The following CADM2 variants were observed in gnomAD, a reference collection of about 807,000 sequenced individuals.
The protein encoded by CADM2 is cell adhesion molecule 2.
CADM2 carries 12 observed loss-of-function variants against 49.8 expected under a neutral mutation model. The ratio of observed to expected loss-of-function variants is 0.24; its 90% CI spans 0.15 to 0.39. The LOEUF is 0.39. Ranked by LOEUF, CADM2 falls within the 10% of genes least tolerant of loss-of-function variation. The pLI is 1.00. For missense variants in CADM2, 378 were observed against 492.3 expected (o/e 0.77, Z 2.20); for synonymous variants, 214 against 175.4 (o/e 1.22, Z -1.74).
At chr3:85,760,921 A>T (rs541317891) in intron 2 of CADM2, among the ~76,000 whole-genome samples, 2 of 152,344 alleles carry the variant, frequency 1.3e-5, no homozygotes, top group East Asian at 3.9e-4. Flanking sequence ...CCCTTTAAAT[A>T]TTGTGAACAT....
intron 1 of CADM2, among the ~76,000 whole-genome samples, chr3:85,038,333 A>G (rs1333049444): frequency 4.9e-4 from 74 of 152,232 alleles, no homozygotes; most frequent in Non-Finnish European, 4.4e-5. Flanking sequence ...AAAATATATG[A>G]TATGTGTAAA....
chr3:84,995,390 A>G (rs1335200793), intron 1 of CADM2, among the ~76,000 whole-genome samples: 1 of 152,218 alleles, frequency 6.6e-6, no homozygotes, highest in African/African-American at 2.4e-5. Flanking sequence ...AATTTCTGGG[A>G]TTAATACAAT....
intron 1 of CADM2, among the ~76,000 whole-genome samples, chr3:85,078,763 C>T (rs975094737): frequency 2.6e-5 from 4 of 151,356 alleles, no homozygotes; most frequent in Non-Finnish European, 3.0e-5. Context: ...TGAGCATGTT[C>T]AAGTATATGC....
chr3:85,266,764 C>T (rs1030980440), intron 1 of CADM2, among the ~76,000 whole-genome samples: 5 of 151,672 alleles, frequency 3.3e-5, no homozygotes, highest in African/African-American at 1.2e-4. Context: ...AATTTTATTG[C>T]TTTAATATTG....
intron 1 of CADM2, among the ~76,000 whole-genome samples, chr3:85,413,117 G>A (rs9811002): frequency 1.5e-4 from 18 of 117,438 alleles, no homozygotes; most frequent in African/African-American, 6.4e-4. Context: ...CTCCAGCCTG[G>A]GCGACAGCAA....
At chr3:85,828,748 T>C (rs1193724999) in intron 3 of CADM2, among the ~76,000 whole-genome samples, 1 of 151,960 alleles carries the variant, frequency 6.6e-6, no homozygotes, top group African/African-American at 2.4e-5. Context: ...CTAATTTTCA[T>C]CCTACAAACC....
intron 6 of CADM2, among the ~76,000 whole-genome samples, chr3:85,929,509 C>T (rs1366598039): frequency 6.6e-6 from 1 of 151,608 alleles, no homozygotes; most frequent in Non-Finnish European, 1.5e-5. Context: ...ATATCTGGGT[C>T]AGTAAAAAGT....
chr3:86,014,376 T>A, intron 8 of CADM2: 1 of 1,441,640 alleles, frequency 6.9e-7, no homozygotes, highest in South Asian at 1.6e-5. Context: ...AGCTGGTAGC[T>A]TGACTGTAGT....
chr3:85,245,736 A>T (rs973776414), intron 1 of CADM2, among the ~76,000 whole-genome samples: 5 of 152,108 alleles, frequency 3.3e-5, no homozygotes, highest in African/African-American at 1.2e-4. Flanking sequence ...TGGTATAGAA[A>T]GATTACTCTT....
At chr3:85,764,850 T>C (rs1030458748) in intron 2 of CADM2, among the ~76,000 whole-genome samples, 1 of 152,118 alleles carries the variant, frequency 6.6e-6, no homozygotes, top group Non-Finnish European at 1.5e-5. Context: ...AAGTAGGTTT[T>C]ATAATCATCC....
intron 1 of CADM2, among the ~76,000 whole-genome samples, chr3:85,330,626 T>C (rs1247506747): frequency 1.3e-5 from 2 of 152,012 alleles, no homozygotes; most frequent in African/African-American, 4.8e-5. Flanking sequence ...TCTTTATAAA[T>C]CCACCCTAAC....
intron 1 of CADM2, among the ~76,000 whole-genome samples, chr3:85,484,985 C>T (rs2039360160): frequency 6.6e-6 from 1 of 151,676 alleles, no homozygotes; most frequent in South Asian, 2.1e-4. Flanking sequence ...ACCACAAACC[C>T]CTGTCAAAAC....
chr3:85,097,552 C>T (rs1233977551), intron 1 of CADM2, among the ~76,000 whole-genome samples: 6 of 152,150 alleles, frequency 3.9e-5, no homozygotes, highest in African/African-American at 1.4e-4. Flanking sequence ...ATTTCTAGTT[C>T]TAGATCCCTG....
chr3:85,767,366 G>A (rs982774253), intron 2 of CADM2, among the ~76,000 whole-genome samples: 1 of 152,152 alleles, frequency 6.6e-6, no homozygotes, highest in Non-Finnish European at 1.5e-5. Context: ...AAGCAGAAGA[G>A]ATTTCAAAAT....
intron 1 of CADM2, among the ~76,000 whole-genome samples, chr3:85,402,663 T>C (rs924805796): frequency 6.6e-6 from 1 of 152,132 alleles, no homozygotes; most frequent in African/African-American, 2.4e-5. Context: ...GCAATTTGAG[T>C]CTGGGAGGTC....
intron 1 of CADM2, among the ~76,000 whole-genome samples, chr3:85,059,327 A>C (rs1260734149): frequency 1.3e-5 from 2 of 152,024 alleles, no homozygotes; most frequent in South Asian, 2.1e-4. Flanking sequence ...ATAAAAAAAA[A>C]AACAACTATG....
rs377128004 is a variant in CADM2 at position 85,624,320 on chromosome 3, C to A, written c.62-102202C>A. Among the ~76,000 whole-genome samples the A allele has an allele frequency of 4.3e-3, 650 of 152,108 alleles. 3 individuals carry two copies. Among genetic ancestry groups the A allele is most frequent in the Middle Eastern group, 0.027 (8 of 294 alleles). On this transcript the variant is annotated intron_variant, in intron 1 of 9. Transcript: ENST00000383699. Reference sequence around the variant, plus strand: ...TAAAGTTTTGGCTCCACTCAAAATGCTTTTATAGAAACTCTTTTTTAATTT... The same window carrying A: ...TAAAGTTTTGGCTCCACTCAAAATGATTTTATAGAAACTCTTTTTTAATTT...
chr3:85,636,682 C>T (rs1042633092), intron 1 of CADM2, among the ~76,000 whole-genome samples: 7 of 152,148 alleles, frequency 4.6e-5, no homozygotes, highest in Non-Finnish European at 8.8e-5. Context: ...TCGCTAAGTG[C>T]CCTATCAAAT....
At chr3:85,116,560 A>G (rs891650501) in intron 1 of CADM2, among the ~76,000 whole-genome samples, 1 of 152,246 alleles carries the variant, frequency 6.6e-6, no homozygotes, top group African/African-American at 2.4e-5. Flanking sequence ...ACGTTTGATT[A>G]TATCAAACTT....
Sources: gnomAD v4.1 joint callset for allele counts (sites outside exome capture counted in the v4.1 genomes callset) on GRCh38, gnomAD v4.1.1 for gene constraint, MANE v1.5 for transcripts, NCBI Gene and HGNC (gene_info 2026-07-23, HGNC 2026-07-21) for gene names.